Variants in LCA5 observed in about 807,000 individuals in gnomAD.
LCA5 encodes lebercilin LCA5.
LCA5 carries 37 observed loss-of-function variants against 53.0 expected under a neutral mutation model. The ratio of observed to expected loss-of-function variants is 0.70; its 90% CI spans 0.54 to 0.92. The LOEUF (loss-of-function observed/expected upper bound fraction) is 0.92. Ranked by LOEUF, LCA5 falls within the 40% of genes least tolerant of loss-of-function variation. The probability of loss-of-function intolerance (pLI) is 0.00; values close to 1 mark genes in which losing one functional copy is unlikely to be tolerated. For missense variants in LCA5, 806 were observed against 790.5 expected, an observed-to-expected ratio of 1.02 and a Z score of -0.23; for synonymous variants, 303 against 282.9, an observed-to-expected ratio of 1.07 and a Z score of -0.71.
Position 79,487,437 on chromosome 6 carries a change from C to T in LCA5, c.1661G>A (p.Gly554Asp). ...SPASPNEFAF[G>D]SYVPSFAKTS... Reference sequence around the variant, plus strand: ...TTTTGCAAACGAAGGCACGTAGCTACCAAATGCGAACTCATTAGGGGAGGC... The same window carrying T: ...TTTTGCAAACGAAGGCACGTAGCTATCAAATGCGAACTCATTAGGGGAGGC... Residue 554 changes from glycine (G) to aspartate (D), a missense_variant, in exon 8 of 8, where the codon GGT becomes GAT. Gly to Asp is a moderately conservative substitution (Grantham distance 94). Transcript: ENST00000369846. 6.2e-7 allele frequency: 1 copy of T among 1,613,668 alleles called. No individual in the cohort carries two copies.
chr6:79,519,205 A>G (rs1766547287), intron 1 of LCA5, 120 bp from the exon 2 acceptor site: 2 of 373,902 alleles, frequency 5.3e-6, no homozygotes, highest in South Asian at 5.5e-5. Flanking sequence ...AAAAGAGGCT[A>G]CAATTTATCT....
chr6:79,512,380 C>T (rs187498981), intron 3 of LCA5, among the ~76,000 whole-genome samples: 50 of 152,066 alleles, frequency 3.3e-4, no homozygotes, highest in Non-Finnish European at 4.6e-4. Context: ...AATAAGTCCC[C>T]GTCCCTGGGC....
At chr6:79,524,045 CT>C (rs543378785) in intron 1 of LCA5, among the ~76,000 whole-genome samples, 3 of 151,992 alleles carry the variant, frequency 2.0e-5, no homozygotes, top group African/African-American at 7.2e-5. Context: ...TCCTAATTGT[CT>C]TTTTTTTCCT....
rs201422027 is a variant in LCA5, at chr6:79,513,642, G to T, written c.290C>A (p.Thr97Asn). 2.5e-6 allele frequency: 4 copies of T among 1,613,818 alleles called. No homozygotes were observed. The East Asian group carries it at 8.9e-5, about 36-fold the overall frequency. ...SLNREPLRKD[T>N]DLVTKRILSA... Reference sequence around the variant, plus strand: ...CAGAATCCGTTTTGTAACAAGATCAGTATCTTTCCGAAGTGGCTCTCTATT... The same window carrying T: ...CAGAATCCGTTTTGTAACAAGATCATTATCTTTCCGAAGTGGCTCTCTATT... The change falls in exon 3 of 8, where the codon ACT becomes AAT. Residue 97 changes from threonine to asparagine, a missense_variant. Thr to Asn is a moderately conservative substitution (Grantham distance 65). Coordinates refer to ENST00000369846, the MANE Select transcript of LCA5 (RefSeq NM_001122769.3).
intron 1 of LCA5, among the ~76,000 whole-genome samples, chr6:79,536,013 A>T (rs1225512382): frequency 6.6e-6 from 1 of 152,216 alleles, no homozygotes; most frequent in Non-Finnish European, 1.5e-5. Flanking sequence ...AAGAGATGTG[A>T]CTCACAAAAG....
chr6:79,486,737 T>C lies in LCA5; in HGVS notation c.*267A>G, dbSNP rs755393018. ...ACCTCCAGTGCAGTTAAACTTGCCATAGCACTGGATGAAGAGTTAAAATCT... is the reference window on the plus strand; with the variant it reads ...ACCTCCAGTGCAGTTAAACTTGCCACAGCACTGGATGAAGAGTTAAAATCT... On this transcript the variant is annotated 3_prime_UTR_variant, in exon 8 of 8. Transcript: ENST00000369846. 1.7e-5 allele frequency: 6 copies of C among 347,200 alleles called. No homozygotes were observed. The highest frequency in any genetic ancestry group is 2.6e-5 in the Non-Finnish European group (5 of 193,372). The allele number at this position is 347,200 out of a possible 1,614,324, so 21.5% of individuals were successfully genotyped here.
intron 1 of LCA5, among the ~76,000 whole-genome samples, chr6:79,528,461 T>C (rs939057989): frequency 1.3e-5 from 2 of 152,184 alleles, no homozygotes; most frequent in African/African-American, 4.8e-5. Flanking sequence ...TCCGATTGGA[T>C]AGGGACTTGT....
At chr6:79,488,943 C>T in intron 7 of LCA5, 141 bp downstream of exon 7, 1 of 905,052 alleles carries the variant, frequency 1.1e-6, no homozygotes. Context: ...TCCTGATAAG[C>T]CATCCCCTAC....
intron 3 of LCA5, among the ~76,000 whole-genome samples, chr6:79,503,826 A>C (rs1396962713): frequency 6.6e-6 from 1 of 152,258 alleles, no homozygotes; most frequent in African/African-American, 2.4e-5. Context: ...ATAAAGTTCC[A>C]CTCAGAACTT....
At chr6:79,506,533 G>A (rs1196008663) in intron 3 of LCA5, among the ~76,000 whole-genome samples, 2 of 152,134 alleles carry the variant, frequency 1.3e-5, no homozygotes, top group East Asian at 3.9e-4. Flanking sequence ...GGACAGAATT[G>A]ATGCCTTTAC....
intron 3 of LCA5, 74 bp downstream of exon 3, chr6:79,513,137 AT>A (rs1766289234): frequency 7.1e-7 from 1 of 1,402,498 alleles, no homozygotes; most frequent in Non-Finnish European, 1.0e-6. Context: ...GCAATAAGCA[AT>A]TTTAAGAGAG....
intron 3 of LCA5, among the ~76,000 whole-genome samples, chr6:79,507,414 A>T (rs1770298973): frequency 6.6e-6 from 1 of 152,146 alleles, no homozygotes; most frequent in Admixed American, 6.6e-5. Flanking sequence ...GGTGTCAATA[A>T]TTTTTAAGAG....
Position 79,486,937 on chromosome 6 carries a change from T to C in LCA5, c.*67A>G. On this transcript the variant is annotated 3_prime_UTR_variant, in exon 8 of 8. Transcript: ENST00000369846. ...ATTTTAGCATTAAAAAGTCTAAATG[T>C]TTATAATAAATACTGTATTAAAATA... 7.7e-7 allele frequency: 1 copy of C among 1,300,712 alleles called. No homozygotes were observed. The highest frequency in any genetic ancestry group is 1.1e-6 in the Non-Finnish European group (1 of 947,562). The allele number at this position is 1,300,712 out of a possible 1,614,324, so 80.6% of individuals were successfully genotyped here.
At chr6:79,534,388 C>T (rs1178052457) in intron 1 of LCA5, among the ~76,000 whole-genome samples, 1 of 151,906 alleles carries the variant, frequency 6.6e-6, no homozygotes, top group African/African-American at 2.4e-5. Flanking sequence ...TTTAGTCAGT[C>T]AAATGAAAAC....
At chr6:79,511,391 C>T (rs1770405854) in intron 3 of LCA5, among the ~76,000 whole-genome samples, 1 of 152,086 alleles carries the variant, frequency 6.6e-6, no homozygotes. Flanking sequence ...TGTGTGATTC[C>T]ATTTATATAA....
chr6:79,487,827 T>C lies in LCA5; in HGVS notation c.1271A>G (p.Lys424Arg). 6.2e-7 allele frequency: 1 copy of C among 1,608,520 alleles called. No homozygotes were observed. Among genetic ancestry groups the C allele is most frequent in the Non-Finnish European group, 8.5e-7 (1 of 1,178,138 alleles). ...TTCTTCTCTTTCCAGTAAAGATGCC[T>C]TTTCTTTTTGCTTTTTATCAAGTTC... is the stretch of plus-strand genomic sequence containing the variant. ...REELDKKQKE[K>R]ASLLEREEKP... Residue 424 changes from lysine (K) to arginine (R), a missense_variant, in exon 8 of 8, where the codon AAG becomes AGG. By Grantham distance (26) the Lys-to-Arg change is conservative. Transcript: ENST00000369846.
chr6:79,531,277 T>C (rs1766951925), intron 1 of LCA5, among the ~76,000 whole-genome samples: 1 of 152,176 alleles, frequency 6.6e-6, no homozygotes, highest in African/African-American at 2.4e-5. Flanking sequence ...TCTGCTCCTT[T>C]TTAAAGCTAA....
intron 1 of LCA5, among the ~76,000 whole-genome samples, chr6:79,520,097 G>C (rs1266983879): frequency 6.6e-6 from 1 of 151,332 alleles, no homozygotes; most frequent in Non-Finnish European, 1.5e-5. Context: ...AATAATTTCT[G>C]GACTCCAATA....
At chr6:79,509,947 G>C (rs778179223) in intron 3 of LCA5, among the ~76,000 whole-genome samples, 1 of 152,118 alleles carries the variant, frequency 6.6e-6, no homozygotes, top group African/African-American at 2.4e-5. Flanking sequence ...TATGTTTAAT[G>C]CAATTCCTAC....
Sources: allele counts gnomAD v4.1 joint callset (sites outside exome capture counted in the v4.1 genomes callset), GRCh38; gene constraint gnomAD v4.1.1; transcripts MANE v1.5; gene names NCBI Gene and HGNC (gene_info 2026-07-23, HGNC 2026-07-21).